The following ZNF782 variants were observed in gnomAD, a reference collection of about 807,000 sequenced individuals.
The protein encoded by ZNF782 is zinc finger protein 782.
ZNF782 carries 12 observed loss-of-function variants against 13.0 expected under a neutral mutation model. The ratio of observed to expected loss-of-function variants is 0.92; its 90% CI spans 0.59 to 1.50. The LOEUF is 1.50. Among genes scored for constraint, ZNF782 ranks in the 40% most tolerant of loss-of-function variants. ZNF782 has a pLI of 0.00. For synonymous variants in ZNF782, 284 were observed against 283.0 expected (o/e 1.00, Z -0.04); for missense variants, 770 against 822.9 (o/e 0.94, Z 0.79).
the ZNF782 span, chr9:96,893,215 A>G: frequency 6.6e-6 from 1 of 152,244 alleles, no homozygotes; most frequent in Non-Finnish European, 1.5e-5. Context: ...TCAAGAAATC[A>G]TACTGAGCCT....
chr9:96,820,443 G>A (rs1850374145), intron 5 of ZNF782, among the ~76,000 whole-genome samples: 1 of 152,074 alleles, frequency 6.6e-6, no homozygotes, highest in Non-Finnish European at 1.5e-5. Context: ...ATGTAAAATT[G>A]ATGGGAGTTA....
At chr9:96,866,846 G>T (rs937046974) in intron 1 of ZNF782, among the ~76,000 whole-genome samples, 7 of 152,258 alleles carry the variant, frequency 4.6e-5, no homozygotes. Context: ...GGAGCTTTAA[G>T]ATTTGACTGC....
Position 96,817,643 on chromosome 9 carries a change from G to A in ZNF782, c.*280C>T, listed in dbSNP as rs1402400386. The A allele has an allele frequency of 1.0e-5, 3 of 294,316 alleles. No homozygotes were observed. The highest frequency in any genetic ancestry group is 1.9e-5 in the Non-Finnish European group (3 of 161,262). 18.2% of individuals were successfully genotyped at this position (294,316 alleles called of 1,614,324 possible). On this transcript the variant is annotated 3_prime_UTR_variant, in exon 6 of 6. Coordinates refer to ENST00000481138, the MANE Select transcript of ZNF782 (RefSeq NM_001001662.3). The stretch of plus-strand genomic sequence containing the variant: ...CTGCAGCGTGAGTTTTCTGAGGAGT[G>A]AGTTCGCAAGAGTATTTTCCATATT...
chr9:96,859,438 G>A (rs912372596), upstream of ZNF782, among the ~76,000 whole-genome samples: 1 of 152,136 alleles, frequency 6.6e-6, no homozygotes, highest in Non-Finnish European at 1.5e-5. Flanking sequence ...GCTTACAGTA[G>A]GAGGGGGCAC....
At chr9:96,916,355 T>C in the ZNF782 span, among the ~76,000 whole-genome samples, 1 of 151,950 alleles carries the variant, frequency 6.6e-6, no homozygotes, top group Non-Finnish European at 1.5e-5. Flanking sequence ...CCAGGCATGA[T>C]GGCGCACACC....
the ZNF782 span, among the ~76,000 whole-genome samples, chr9:96,881,749 G>A: frequency 1.3e-5 from 2 of 151,886 alleles, no homozygotes; most frequent in Admixed American, 6.6e-5. Context: ...TTCTGTTTCT[G>A]GACTTCATAT....
In ZNF782 at chr9:96,817,502, T is replaced by C. The variant is rs1157044316; in HGVS notation, c.*421A>G. 6.3e-6 allele frequency: 1 copy of C among 158,026 alleles called. No individual in the cohort carries two copies. Among genetic ancestry groups the C allele is most frequent in the Non-Finnish European group, 1.4e-5 (1 of 72,262 alleles). The allele number at this position is 158,026 out of a possible 1,614,324, so 9.8% of individuals were successfully genotyped here. On this transcript the variant is annotated 3_prime_UTR_variant, in exon 6 of 6. Coordinates refer to ENST00000481138, the MANE Select transcript of ZNF782 (RefSeq NM_001001662.3). ...CTGCTGTACTGACTTTTCATTAAAGTTTATCACACACTTATTATATTCTAG... is the reference window on the plus strand; with the variant it reads ...CTGCTGTACTGACTTTTCATTAAAGCTTATCACACACTTATTATATTCTAG...
At chr9:96,868,757 AGT>A (rs1851791082) in intron 1 of ZNF782, among the ~76,000 whole-genome samples, 1 of 152,182 alleles carries the variant, frequency 6.6e-6, no homozygotes, top group South Asian at 2.1e-4. Flanking sequence ...GGTTCTGTAC[AGT>A]GTGAGTTCTT....
At chr9:96,912,221 A>C in the ZNF782 span, among the ~76,000 whole-genome samples, 11 of 145,734 alleles carry the variant, frequency 7.5e-5, no homozygotes, top group East Asian at 4.2e-4. Flanking sequence ...AAAAAAAAAA[A>C]CTAACTAAAA....
chr9:96,907,537 G>T, the ZNF782 span, among the ~76,000 whole-genome samples: 1 of 152,302 alleles, frequency 6.6e-6, no homozygotes, highest in Non-Finnish European at 1.5e-5. Context: ...GGCCATATTT[G>T]TGAGGATCTA....
chr9:96,898,591 G>A, the ZNF782 span, among the ~76,000 whole-genome samples: 2 of 147,752 alleles, frequency 1.4e-5, no homozygotes, highest in Non-Finnish European at 1.5e-5. Flanking sequence ...CTATTGCCCA[G>A]GCTGCAGTTC....
At chr9:96,834,873 T>C (rs1328738692) in intron 4 of ZNF782, among the ~76,000 whole-genome samples, 3 of 152,118 alleles carry the variant, frequency 2.0e-5, no homozygotes, top group Admixed American at 6.5e-5. Flanking sequence ...CAGGCCAGTA[T>C]TGCCATGAAT....
intron 4 of ZNF782, among the ~76,000 whole-genome samples, chr9:96,833,638 C>T (rs1850882496): frequency 1.3e-5 from 2 of 152,120 alleles, no homozygotes; most frequent in Non-Finnish European, 2.9e-5. Context: ...TAATGGATGC[C>T]AGGATTTTCC....
the ZNF782 span, chr9:96,892,917 T>G: frequency 4.0e-5 from 6 of 151,874 alleles, no homozygotes; most frequent in Non-Finnish European, 7.4e-5. Context: ...CTGAAAAGTA[T>G]AATTCATGGC....
At position 96,819,791 on chromosome 9, in the gene ZNF782, A is replaced by T; in HGVS notation, c.245-13T>A. On this transcript the variant is annotated splice_polypyrimidine_tract_variant and intron_variant, in intron 5 of 5. Coordinates refer to ENST00000481138, the MANE Select transcript of ZNF782 (RefSeq NM_001001662.3). ...GGTTGGGAGTCTTCTAAAAATGATA[A>T]AATTAAACAAACTTTATGATATTTA... The T allele has an allele frequency of 1.3e-6, 2 of 1,540,510 alleles. No homozygotes were observed. Among genetic ancestry groups the T allele is most frequent in the Non-Finnish European group, 1.7e-6 (2 of 1,150,788 alleles).
At position 96,850,812 on chromosome 9, in the gene ZNF782, A is replaced by G. The variant is rs1223110040; in HGVS notation, c.15+1135T>C. 6.6e-6 allele frequency among the ~76,000 whole-genome samples: 1 copy of G among 152,204 alleles called. No homozygotes were observed. The highest frequency in any genetic ancestry group is 1.5e-5 in the Non-Finnish European group (1 of 68,024). ...ACATAAAATAAAATGTAAAAGTAAAATGTTCAGAATCTTAGTTGAAAATTT... is the reference window on the plus strand; with the variant it reads ...ACATAAAATAAAATGTAAAAGTAAAGTGTTCAGAATCTTAGTTGAAAATTT... On this transcript the variant is annotated intron_variant, in intron 3 of 5. Transcript: ENST00000481138. This position sits in a 1 kb window ranked among gnomAD's most constrained non-coding sequence, Gnocchi z 4.3.
chr9:96,819,922 C>T, intron 5 of ZNF782, 144 bp from the exon 6 acceptor site: 1 of 626,990 alleles, frequency 1.6e-6, no homozygotes. Context: ...ATTTCAAGTA[C>T]ATATTCCCCA....
At chr9:96,891,450 T>C in the ZNF782 span, 1 of 152,244 alleles carries the variant, frequency 6.6e-6, no homozygotes, top group South Asian at 2.1e-4. Flanking sequence ...TCTTTGAATT[T>C]TGACAGATGT....
intron 4 of ZNF782, 73 bp downstream of exon 4, chr9:96,844,817 G>C: frequency 6.2e-7 from 1 of 1,604,672 alleles, no homozygotes; most frequent in Non-Finnish European, 8.5e-7. Flanking sequence ...CACATGGTAC[G>C]GTATGGAGAG....
Sources: allele counts gnomAD v4.1 joint callset (sites outside exome capture counted in the v4.1 genomes callset), GRCh38; gene constraint gnomAD v4.1.1; non-coding constraint Gnocchi (gnomAD v3.1); transcripts MANE v1.5; gene names NCBI Gene and HGNC (gene_info 2026-07-23, HGNC 2026-07-21).